The following LSAMP variants were observed in gnomAD, a reference collection of about 807,000 sequenced individuals.
LSAMP encodes the protein limbic system-associated membrane protein.
In LSAMP, 7 loss-of-function variants were observed where a neutral mutation model predicts 38.6. The observed-to-expected ratio is 0.18, with a 90% CI of 0.10 to 0.34. The LOEUF (loss-of-function observed/expected upper bound fraction) is 0.34. Ranked by LOEUF, LSAMP falls within the 10% of genes least tolerant of loss-of-function variation. The pLI is 1.00. For synonymous variants in LSAMP, 154 were observed against 166.8 expected (o/e 0.92, Z 0.59); for missense variants, 313 against 420.0 (o/e 0.75, Z 2.23).
intron 3 of LSAMP, among the ~76,000 whole-genome samples, chr3:115,858,163 C>T (rs745828182): frequency 1.3e-4 from 20 of 150,336 alleles, no homozygotes; most frequent in Non-Finnish European, 2.8e-4. Context: ...CTCTCTCTCT[C>T]TCACACACAC....
chr3:116,166,851 C>G (rs1405728143), intron 1 of LSAMP, among the ~76,000 whole-genome samples: 3 of 137,772 alleles, frequency 2.2e-5, no homozygotes, highest in Non-Finnish European at 4.5e-5. Flanking sequence ...AGTGCAGTGG[C>G]GCGATCTCAG....
intron 3 of LSAMP, among the ~76,000 whole-genome samples, chr3:115,936,237 A>T (rs1937697610): frequency 6.6e-6 from 1 of 152,238 alleles, no homozygotes; most frequent in South Asian, 2.1e-4. Flanking sequence ...CTAAGGGACT[A>T]GATTTCATGT....
At chr3:116,353,566 T>G (rs931463015) in intron 1 of LSAMP, among the ~76,000 whole-genome samples, 1 of 152,052 alleles carries the variant, frequency 6.6e-6, no homozygotes, top group African/African-American at 2.4e-5. Context: ...CAGAGTACAC[T>G]CCATAATTCT....
At chr3:116,241,143 C>T (rs2046527516) in intron 1 of LSAMP, among the ~76,000 whole-genome samples, 1 of 150,748 alleles carries the variant, frequency 6.6e-6, no homozygotes, top group Admixed American at 6.6e-5. Context: ...CACCACTGCA[C>T]TCCAGCCTGG....
At chr3:116,174,966 G>A (rs986950725) in intron 1 of LSAMP, among the ~76,000 whole-genome samples, 12 of 152,086 alleles carry the variant, frequency 7.9e-5, no homozygotes, top group African/African-American at 2.9e-4. Context: ...ACTGGCTTAT[G>A]CCGACTTCTC....
At chr3:115,871,483 G>C (rs1936031035) in intron 3 of LSAMP, among the ~76,000 whole-genome samples, 1 of 152,128 alleles carries the variant, frequency 6.6e-6, no homozygotes, top group East Asian at 1.9e-4. Flanking sequence ...AAAAATATTA[G>C]CAGTGCAGTG....
chr3:116,035,191 C>A (rs1941020193), intron 2 of LSAMP, among the ~76,000 whole-genome samples: 2 of 152,118 alleles, frequency 1.3e-5, no homozygotes, highest in African/African-American at 4.8e-5. Context: ...CAAACAGAAA[C>A]CTGCTATGCT....
intron 1 of LSAMP, among the ~76,000 whole-genome samples, chr3:116,104,236 G>A (rs1419242955): frequency 6.6e-6 from 1 of 152,058 alleles, no homozygotes; most frequent in Admixed American, 6.6e-5. Context: ...GCAACAAAAT[G>A]GTAAGAGGAA....
At chr3:115,943,853 C>T (rs1277961525) in intron 3 of LSAMP, among the ~76,000 whole-genome samples, 3 of 152,168 alleles carry the variant, frequency 2.0e-5, no homozygotes, top group African/African-American at 7.2e-5. Context: ...AGTCCTCAAA[C>T]AAGCCTTTGG....
intron 3 of LSAMP, among the ~76,000 whole-genome samples, chr3:115,941,124 C>T (rs936423609): frequency 6.6e-6 from 1 of 152,006 alleles, no homozygotes; most frequent in Non-Finnish European, 1.5e-5. Flanking sequence ...GAGCAAAGAA[C>T]CTCCTGAATA....
chr3:115,902,696 C>G (rs1936908445), intron 3 of LSAMP, among the ~76,000 whole-genome samples: 1 of 152,084 alleles, frequency 6.6e-6, no homozygotes, highest in African/African-American at 2.4e-5. Context: ...TGAACAGACA[C>G]TTTTCAAAAG....
At chr3:116,223,052 C>G (rs1290581187) in intron 1 of LSAMP, among the ~76,000 whole-genome samples, 7 of 150,776 alleles carry the variant, frequency 4.6e-5, no homozygotes, top group East Asian at 1.9e-4. Context: ...AATACATAAA[C>G]TGCACAAAGG....
At chr3:116,011,674 AT>A (rs1382734291) in intron 3 of LSAMP, among the ~76,000 whole-genome samples, 1 of 152,232 alleles carries the variant, frequency 6.6e-6, no homozygotes, top group Non-Finnish European at 1.5e-5. Flanking sequence ...GCTGAACTAC[AT>A]TGTGACAATG....
chr3:116,117,991 GTC>G (rs1430316717), intron 1 of LSAMP, among the ~76,000 whole-genome samples: 2 of 151,782 alleles, frequency 1.3e-5, no homozygotes, highest in African/African-American at 4.8e-5. Context: ...TCAAGAAAGA[GTC>G]TTACAATACT....
intron 1 of LSAMP, among the ~76,000 whole-genome samples, chr3:116,407,314 G>T (rs1022911271): frequency 6.6e-6 from 1 of 152,042 alleles, no homozygotes; most frequent in Non-Finnish European, 1.5e-5. Context: ...GAATAAAGCA[G>T]AAACAGTTAT....
At chr3:115,847,058 C>T (rs772208896) in intron 4 of LSAMP, among the ~76,000 whole-genome samples, 41 of 152,242 alleles carry the variant, frequency 2.7e-4, no homozygotes, top group East Asian at 7.7e-4. Flanking sequence ...GCACTTTTAA[C>T]GCCTAAAGTG....
chr3:116,206,371 T>G (rs900941887), intron 1 of LSAMP, among the ~76,000 whole-genome samples: 66 of 151,472 alleles, frequency 4.4e-4, no homozygotes, highest in African/African-American at 1.6e-3. Context: ...GATTCATTAA[T>G]TTTTTGAAGG....
chr3:115,958,353 A>C (rs1444316407), intron 3 of LSAMP, among the ~76,000 whole-genome samples: 2 of 152,186 alleles, frequency 1.3e-5, no homozygotes, highest in Admixed American at 6.5e-5. Flanking sequence ...ACAAATAACT[A>C]TAGGGTAAAG....
At chr3:116,344,207 A>T (rs1016320201) in intron 1 of LSAMP, among the ~76,000 whole-genome samples, 1 of 152,106 alleles carries the variant, frequency 6.6e-6, no homozygotes, top group Non-Finnish European at 1.5e-5. Context: ...AATGTGCTGA[A>T]CTTTCTCCTT....
Sources: gnomAD v4.1 joint callset for allele counts (sites outside exome capture counted in the v4.1 genomes callset) on GRCh38, gnomAD v4.1.1 for gene constraint, MANE v1.5 for transcripts, NCBI Gene and HGNC (gene_info 2026-07-23, HGNC 2026-07-21) for gene names.